EGFLAM: variants seen among roughly 807,000 people sequenced by gnomAD.
The protein encoded by EGFLAM is pikachurin.
In EGFLAM, 79 loss-of-function variants were observed where a neutral mutation model predicts 113.1. The observed-to-expected ratio is 0.70, with a 90% CI of 0.58 to 0.84. EGFLAM has a LOEUF of 0.84. Ranked by LOEUF, EGFLAM falls within the 40% of genes least tolerant of loss-of-function variation. EGFLAM has a pLI of 0.00. For missense variants in EGFLAM, 1,265 were observed against 1,291.6 expected (o/e 0.98, Z 0.32); for synonymous variants, 504 against 487.6 (o/e 1.03, Z -0.44).
At chr5:38,294,631 G>A (rs1205264723) in intron 1 of EGFLAM, among the ~76,000 whole-genome samples, 1 of 151,904 alleles carries the variant, frequency 6.6e-6, no homozygotes, top group Non-Finnish European at 1.5e-5. Context: ...ACAGGGTGAT[G>A]CTCCCATACA....
intron 5 of EGFLAM, among the ~76,000 whole-genome samples, chr5:38,358,446 C>CAAAAAA (rs34444620): frequency 4.0e-5 from 3 of 74,106 alleles, no homozygotes; most frequent in African/African-American, 1.6e-4. Flanking sequence ...GACTCCGTCT[C>CAAAAAA]AAAAAAAAAA....
intron 16 of EGFLAM, among the ~76,000 whole-genome samples, chr5:38,436,439 C>T (rs1742353254): frequency 6.6e-6 from 1 of 152,114 alleles, no homozygotes; most frequent in Non-Finnish European, 1.5e-5. Flanking sequence ...CATTTTATCT[C>T]GCATCGCAGT....
chr5:38,456,747 C>T (rs981194220), intron 19 of EGFLAM, among the ~76,000 whole-genome samples: 2 of 151,710 alleles, frequency 1.3e-5, no homozygotes, highest in African/African-American at 4.9e-5. Flanking sequence ...TGCTTGTTAA[C>T]TCATCCAGAT....
chr5:38,444,017 C>T (rs1250687318), intron 17 of EGFLAM, among the ~76,000 whole-genome samples: 7 of 152,144 alleles, frequency 4.6e-5, no homozygotes, highest in South Asian at 4.2e-4. Context: ...GTGATCCACC[C>T]GCCTGGACCT....
At position 38,431,241 on chromosome 5, in the gene EGFLAM, G is replaced by A. The variant is rs769529826; in HGVS notation, c.2119G>A (p.Gly707Arg). 1 of 1,614,172 alleles carries A rather than the reference G, an allele frequency of 6.2e-7. No homozygotes were observed. The highest frequency in any genetic ancestry group is 1.1e-5 in the South Asian group (1 of 91,084). Residue 707 changes from glycine (G) to arginine (R), a missense_variant, in exon 15 of 22, where the codon GGA (glycine) becomes AGA (arginine). Physicochemically the swap from Gly to Arg is moderately radical, Grantham distance 125. Transcript: ENST00000322350. ...ELRVSRTAKN[G>R]ILQVDKQKIV... is the part of the protein sequence containing the mutation. ...TCGTGTATCTCGCACAGCAAAGAAT[G>A]GAATCTTACAGGTGGATAAGCAGAA...
chr5:38,395,483 G>C (rs997613036), intron 6 of EGFLAM, among the ~76,000 whole-genome samples: 1 of 152,060 alleles, frequency 6.6e-6, no homozygotes, highest in Non-Finnish European at 1.5e-5. Context: ...GATTTTGTCT[G>C]GACGATTATT....
At chr5:38,430,056 CA>C in intron 14 of EGFLAM, 1 of 227,118 alleles carries the variant, frequency 4.4e-6, no homozygotes, top group Non-Finnish European at 9.3e-6. Context: ...GCTGTAGGGG[CA>C]ATCTGACGTG....
chr5:38,438,871 A>G (rs979759470), intron 17 of EGFLAM, among the ~76,000 whole-genome samples: 3 of 152,202 alleles, frequency 2.0e-5, no homozygotes, highest in African/African-American at 4.8e-5. Flanking sequence ...TGCATGCTGT[A>G]TAAGAGAAAC....
At chr5:38,330,667 G>A (rs1317404494) in intron 1 of EGFLAM, among the ~76,000 whole-genome samples, 1 of 152,148 alleles carries the variant, frequency 6.6e-6, no homozygotes. Flanking sequence ...GTGACCCAAG[G>A]AGCCTGCCTT....
intron 5 of EGFLAM, among the ~76,000 whole-genome samples, chr5:38,359,122 A>C (rs1477956048): frequency 6.6e-6 from 1 of 152,192 alleles, no homozygotes; most frequent in Non-Finnish European, 1.5e-5. Flanking sequence ...TGCCTTTCTC[A>C]TAAGCAAATA....
chr5:38,370,548 C>T, intron 6 of EGFLAM, 86 bp downstream of exon 6: 1 of 1,466,244 alleles, frequency 6.8e-7, no homozygotes, highest in Non-Finnish European at 9.1e-7. Context: ...GGATGCCGTG[C>T]AGAAGGACAG....
intron 11 of EGFLAM, among the ~76,000 whole-genome samples, chr5:38,417,372 A>C (rs1030532388): frequency 1.1e-4 from 16 of 139,680 alleles, no homozygotes; most frequent in Non-Finnish European, 1.2e-4. Flanking sequence ...AAAAAAAACA[A>C]AAAAAAAAGG....
intron 1 of EGFLAM, among the ~76,000 whole-genome samples, chr5:38,261,997 C>A (rs565292293): frequency 6.6e-6 from 1 of 152,226 alleles, no homozygotes; most frequent in African/African-American, 2.4e-5. Context: ...ACACACCACT[C>A]ATTGGATAGC....
rs114487102 is a variant in EGFLAM at position 38,382,868 on chromosome 5, A to G, written c.712+12406A>G. Among the ~76,000 whole-genome samples, 1,193 of 152,258 alleles carry G rather than the reference A, an allele frequency of 7.8e-3. 8 individuals are homozygous for G. The highest frequency in any genetic ancestry group is 0.013 in the Non-Finnish European group (860 of 68,014). ...CTTTTGAACTCTAATCCCAGCATCTACCATATTTTAAAATGTGATTGTGTC... is the reference window on the plus strand; with the variant it reads ...CTTTTGAACTCTAATCCCAGCATCTGCCATATTTTAAAATGTGATTGTGTC... On this transcript the variant is annotated intron_variant, in intron 6 of 21. Coordinates refer to ENST00000322350, the MANE Select transcript of EGFLAM (RefSeq NM_152403.4).
intron 17 of EGFLAM, chr5:38,445,632 G>A (rs1742682629): frequency 1.9e-6 from 3 of 1,598,362 alleles, no homozygotes; most frequent in African/African-American, 2.7e-5. Flanking sequence ...GACAAGGACT[G>A]TGAAAGGCTG....
intron 12 of EGFLAM, among the ~76,000 whole-genome samples, chr5:38,418,575 T>C (rs1049886418): frequency 6.6e-6 from 1 of 152,210 alleles, no homozygotes; most frequent in African/African-American, 2.4e-5. Context: ...TCCAGCCCTT[T>C]TACCTTACCT....
At chr5:38,361,591 G>A (rs527351054) in intron 5 of EGFLAM, among the ~76,000 whole-genome samples, 8 of 151,936 alleles carry the variant, frequency 5.3e-5, no homozygotes, top group Admixed American at 5.2e-4. Context: ...TGGGCCACAC[G>A]TAAAACACAC....
At chr5:38,289,888 C>T (rs1758270027) in intron 1 of EGFLAM, among the ~76,000 whole-genome samples, 1 of 152,162 alleles carries the variant, frequency 6.6e-6, no homozygotes, top group Admixed American at 6.5e-5. Flanking sequence ...TTCCCACTAT[C>T]AAACAGCCCA....
chr5:38,438,162 A>AT (rs1335761098), intron 16 of EGFLAM, 113 bp from the exon 17 acceptor site: 9 of 1,130,208 alleles, frequency 8.0e-6, no homozygotes, highest in Admixed American at 3.7e-5. Flanking sequence ...ACTTAAAAAA[A>AT]TTTTTTTTCA....
Sources: allele counts gnomAD v4.1 joint callset (sites outside exome capture counted in the v4.1 genomes callset), GRCh38; gene constraint gnomAD v4.1.1; transcripts MANE v1.5; gene names NCBI Gene and HGNC (gene_info 2026-07-23, HGNC 2026-07-21).